The following RAB3GAP1 variants were observed in gnomAD, a reference collection of about 807,000 sequenced individuals.
RAB3GAP1 encodes the protein rab3 GTPase-activating protein catalytic subunit.
Under a neutral mutation model 130.7 loss-of-function variants are expected in RAB3GAP1, and 86 were observed. The observed-to-expected ratio is 0.66, with a 90% CI of 0.55 to 0.79. The LOEUF is 0.79. Among genes scored for constraint, RAB3GAP1 ranks in the 30% least tolerant of loss-of-function variants. The pLI, the probability that RAB3GAP1 is intolerant of heterozygous loss-of-function variation, is 0.00. For synonymous variants in RAB3GAP1, 367 were observed against 401.7 expected, an observed-to-expected ratio of 0.91 and a Z score of 1.03; for missense variants, 1,029 against 1,169.4, an observed-to-expected ratio of 0.88 and a Z score of 1.75.
Position 135,162,879 on chromosome 2 carries a change from GC to G in RAB3GAP1, c.2490+30del, listed in dbSNP as rs756872137. On this transcript the variant is annotated intron_variant, in intron 21 of 23. Transcript: ENST00000264158. The stretch of plus-strand genomic sequence containing the variant: ...AAGTTTGATGTAGTGTCAGAATCTT[GC>G]CAAGTGTTCTCCTCAGTTGGCAAAA... 1.9e-6 allele frequency: 3 copies of G among 1,594,248 alleles called. No homozygotes were observed. The Admixed American group carries it at 5.0e-5, about 27-fold the overall frequency.
At position 135,091,087 on chromosome 2, in the gene RAB3GAP1, A is replaced by C. The variant is rs145219231; in HGVS notation, c.240A>C (p.Val80=). The C allele has an allele frequency of 2.9e-5, 47 of 1,601,318 alleles. No individual in the cohort carries two copies. In the Admixed American group the frequency reaches 4.7e-4, roughly 16 times the overall value. ...FKFSVTHHYL[V]QESTDKEGKD... ...TCTCAGTCACTCATCATTATCTTGT[A>C]CAAGAGTCCACTGATAAAGAAGGAA... The change falls in exon 4 of 24, where the codon GTA becomes GTC. Residue 80 remains valine (V), a synonymous_variant. Coordinates refer to ENST00000264158, the MANE Select transcript of RAB3GAP1 (RefSeq NM_012233.3).
chr2:135,067,738 A>C (rs532517972), intron 3 of RAB3GAP1, among the ~76,000 whole-genome samples: 1 of 152,134 alleles, frequency 6.6e-6, no homozygotes, highest in East Asian at 1.9e-4. Flanking sequence ...AATTGCTGTT[A>C]TTATTTTTGA....
downstream of RAB3GAP1, among the ~76,000 whole-genome samples, chr2:135,170,923 CA>C (rs898644316): frequency 3.3e-5 from 5 of 152,012 alleles, no homozygotes; most frequent in Non-Finnish European, 4.4e-5. Flanking sequence ...TCCACCTCTT[CA>C]ATCTGGTCTC....
intron 3 of RAB3GAP1, among the ~76,000 whole-genome samples, chr2:135,081,563 A>G (rs763943473): frequency 5.9e-5 from 9 of 151,348 alleles, no homozygotes; most frequent in Non-Finnish European, 1.0e-4. Context: ...CAGACCAGAT[A>G]TCTGTTGGAA....
chr2:135,106,167 C>T (rs1027088882), intron 5 of RAB3GAP1, among the ~76,000 whole-genome samples: 1 of 151,980 alleles, frequency 6.6e-6, no homozygotes, highest in Non-Finnish European at 1.5e-5. Flanking sequence ...GCCGCCGCCC[C>T]GTCCGGGAGG....
chr2:135,127,879 G>A (rs966444596), intron 11 of RAB3GAP1, among the ~76,000 whole-genome samples: 1 of 152,024 alleles, frequency 6.6e-6, no homozygotes, highest in African/African-American at 2.4e-5. Flanking sequence ...TTTTTTAGGT[G>A]TATCTCTTCC....
At chr2:135,056,047 A>G (rs1294312377) in intron 2 of RAB3GAP1, among the ~76,000 whole-genome samples, 2 of 151,124 alleles carry the variant, frequency 1.3e-5, no homozygotes, top group Non-Finnish European at 3.0e-5. Context: ...TGTGTTAGCC[A>G]GGATGGTCTC....
intron 3 of RAB3GAP1, among the ~76,000 whole-genome samples, chr2:135,077,823 T>A (rs1286603365): frequency 2.0e-5 from 3 of 152,220 alleles, no homozygotes; most frequent in African/African-American, 7.2e-5. Context: ...TCTTTTCCTG[T>A]TCTTATTGCC....
chr2:135,105,109 C>G (rs1690555276), intron 5 of RAB3GAP1, among the ~76,000 whole-genome samples: 1 of 151,972 alleles, frequency 6.6e-6, no homozygotes, highest in Non-Finnish European at 1.5e-5. Context: ...GTCAAGTGTT[C>G]CAAAGCATGC....
intron 13 of RAB3GAP1, among the ~76,000 whole-genome samples, chr2:135,132,198 T>C (rs1442785324): frequency 6.6e-6 from 1 of 152,162 alleles, no homozygotes; most frequent in Non-Finnish European, 1.5e-5. Context: ...CACAAAACAA[T>C]TGAGAGGAAC....
At chr2:135,080,477 A>G (rs1467197541) in intron 3 of RAB3GAP1, among the ~76,000 whole-genome samples, 2 of 152,178 alleles carry the variant, frequency 1.3e-5, no homozygotes, top group East Asian at 3.9e-4. Flanking sequence ...AGGAGTATAG[A>G]TTTTGACTGC....
chr2:135,061,507 T>C, intron 3 of RAB3GAP1, among the ~76,000 whole-genome samples: 1 of 152,162 alleles, frequency 6.6e-6, no homozygotes, highest in East Asian at 1.9e-4. Flanking sequence ...ATATTTCTCA[T>C]TTTGGTTTTA....
chr2:135,065,851 A>G (rs1323832423), intron 3 of RAB3GAP1, among the ~76,000 whole-genome samples: 1 of 150,594 alleles, frequency 6.6e-6, no homozygotes, highest in South Asian at 2.1e-4. Context: ...GCTCACTGCA[A>G]CCTTTGCCTC....
In RAB3GAP1 at chr2:135,162,747, GAA is replaced by G; in HGVS notation, c.2388_2389del (p.Leu798ArgfsTer7). On this transcript the variant is annotated frameshift_variant and splice_region_variant, in exon 21 of 24. Coordinates refer to ENST00000264158, the MANE Select transcript of RAB3GAP1 (RefSeq NM_012233.3). LOFTEE classifies it high-confidence loss of function. Reference sequence around the variant, plus strand: ...GCTGGCTTCAATCTTTTCTAAAATAGAAAGTCTCGAAAACATTTCTTCAGTTA... The same window carrying G: ...GCTGGCTTCAATCTTTTCTAAAATAGAGTCTCGAAAACATTTCTTCAGTTA... ...HAAVLKVKEE[E>X]SLENISSVKK... is the part of the protein sequence containing the mutation. The G allele has an allele frequency of 6.2e-7, 1 of 1,611,856 alleles. No homozygotes were observed. The highest frequency in any genetic ancestry group is 1.1e-5 in the South Asian group (1 of 91,038).
rs964716557 is a variant in RAB3GAP1 at position 135,135,163 on chromosome 2, T to C, written c.1500-102T>C. 10 of 933,612 alleles carry C rather than the reference T, an allele frequency of 1.1e-5. No homozygotes were observed. In the African/African-American group the frequency reaches 1.6e-4, roughly 15 times the overall value. 57.8% of individuals were successfully genotyped at this position (933,612 alleles called of 1,614,324 possible). On this transcript the variant is annotated intron_variant, in intron 15 of 23. Coordinates refer to ENST00000264158, the MANE Select transcript of RAB3GAP1 (RefSeq NM_012233.3). ...TACCTGTGGAAATCTAGTTTTGATTTCTTATCAATATAGCTAAAAATTATG... is the reference window on the plus strand; with the variant it reads ...TACCTGTGGAAATCTAGTTTTGATTCCTTATCAATATAGCTAAAAATTATG...
intron 17 of RAB3GAP1, chr2:135,136,529 G>A (rs1041761842): frequency 5.2e-6 from 1 of 190,778 alleles, no homozygotes; most frequent in African/African-American, 2.4e-5. Context: ...TTCTGTAATT[G>A]AGAAATGTTT....
intron 5 of RAB3GAP1, among the ~76,000 whole-genome samples, chr2:135,108,327 G>A (rs1296190957): frequency 6.6e-6 from 1 of 152,074 alleles, no homozygotes; most frequent in Non-Finnish European, 1.5e-5. Context: ...ATAAATTTAA[G>A]TTACTGGGCT....
intron 17 of RAB3GAP1, among the ~76,000 whole-genome samples, chr2:135,142,223 T>C (rs1691864511): frequency 6.6e-6 from 1 of 152,234 alleles, no homozygotes; most frequent in African/African-American, 2.4e-5. Flanking sequence ...CATTAGTGTT[T>C]TAGTTTTCAA....
At chr2:135,133,542 T>A (rs1691602971) in intron 14 of RAB3GAP1, among the ~76,000 whole-genome samples, 1 of 152,154 alleles carries the variant, frequency 6.6e-6, no homozygotes, top group South Asian at 2.1e-4. Context: ...TCAGACGTGC[T>A]CATTTTTGTA....
Sources: allele counts gnomAD v4.1 joint callset (sites outside exome capture counted in the v4.1 genomes callset), GRCh38; gene constraint gnomAD v4.1.1; transcripts MANE v1.5; gene names NCBI Gene and HGNC (gene_info 2026-07-23, HGNC 2026-07-21).